PCDH7: variants seen among roughly 807,000 people sequenced by gnomAD.
PCDH7 encodes the protein protocadherin-7.
PCDH7 carries 17 observed loss-of-function variants against 58.9 expected under a neutral mutation model. The ratio of observed to expected loss-of-function variants is 0.29; its 90% CI spans 0.20 to 0.43. PCDH7 has a LOEUF of 0.43. Among genes scored for constraint, PCDH7 ranks in the 20% least tolerant of loss-of-function variants. The pLI, the probability that PCDH7 is intolerant of heterozygous loss-of-function variation, is 1.00. For missense variants in PCDH7, 1,274 were observed against 1,441.0 expected, an observed-to-expected ratio of 0.88 and a Z score of 1.88; for synonymous variants, 664 against 616.4, an observed-to-expected ratio of 1.08 and a Z score of -1.14.
chr4:31,091,592 G>T (rs2109285263), intron 3 of PCDH7, among the ~76,000 whole-genome samples: 1 of 151,704 alleles, frequency 6.6e-6, no homozygotes, highest in East Asian at 1.9e-4. Context: ...TATTTTGAAT[G>T]AACCATACTA....
intron 3 of PCDH7, among the ~76,000 whole-genome samples, chr4:31,089,190 C>T (rs1712885221): frequency 6.6e-6 from 1 of 152,020 alleles, no homozygotes; most frequent in African/African-American, 2.4e-5. Context: ...GGCCAAATTA[C>T]ATACCAGTAG....
intron 3 of PCDH7, among the ~76,000 whole-genome samples, chr4:31,126,019 G>A (rs1228173340): frequency 6.6e-6 from 1 of 152,016 alleles, no homozygotes; most frequent in Non-Finnish European, 1.5e-5. Context: ...GCAGATGCAA[G>A]CTCTTGGGTA....
intron 3 of PCDH7, among the ~76,000 whole-genome samples, chr4:31,022,823 G>C (rs1754134841): frequency 6.6e-6 from 1 of 152,098 alleles, no homozygotes; most frequent in Admixed American, 6.5e-5. Context: ...TTACACATAG[G>C]GGTAGAAATT....
rs202197837 is a variant in PCDH7, at chr4:30,883,628, C to T, written c.71-36525C>T. Among the ~76,000 whole-genome samples the T allele has an allele frequency of 9.8e-5, 15 of 152,292 alleles. No individual in the cohort carries two copies. In the East Asian group the frequency reaches 2.7e-3, roughly 27 times the overall value. On this transcript the variant is annotated intron_variant, in intron 1 of 3. Coordinates refer to the PCDH7 transcript ENST00000509759. ...TCCAATAGTATTTGCTTTTACTTCACGTGATGTACACTGATATTTTCTCCT... is the reference window on the plus strand; with the variant it reads ...TCCAATAGTATTTGCTTTTACTTCATGTGATGTACACTGATATTTTCTCCT...
At chr4:31,059,340 C>T (rs1253370317) in intron 3 of PCDH7, among the ~76,000 whole-genome samples, 1 of 151,746 alleles carries the variant, frequency 6.6e-6, no homozygotes, top group East Asian at 1.9e-4. Flanking sequence ...TCTTTTGTTC[C>T]TAATAACACT....
In PCDH7 at chr4:30,891,962, T is replaced by A. The variant is rs140321874; in HGVS notation, c.71-28191T>A. Among the ~76,000 whole-genome samples the A allele has an allele frequency of 6.1e-3, 930 of 151,892 alleles. 6 individuals are homozygous for A. Among genetic ancestry groups the A allele is most frequent in the Middle Eastern group, 0.01 (3 of 292 alleles). On this transcript the variant is annotated intron_variant, in intron 1 of 3. Transcript: ENST00000509759. Reference sequence around the variant, plus strand: ...GGACATGGATTTTACATAGTATAGATAGGAAAAAGAGAGATACTCTGTCAA... The same window carrying A: ...GGACATGGATTTTACATAGTATAGAAAGGAAAAAGAGAGATACTCTGTCAA...
At chr4:30,738,293 A>C (rs1716577953) in intron 1 of PCDH7, among the ~76,000 whole-genome samples, 1 of 152,040 alleles carries the variant, frequency 6.6e-6, no homozygotes, top group Non-Finnish European at 1.5e-5. Context: ...TTTATTACAC[A>C]CAGCCCGTCC....
At chr4:30,990,208 G>A (rs1385951519) in intron 3 of PCDH7, among the ~76,000 whole-genome samples, 12 of 148,202 alleles carry the variant, frequency 8.1e-5, no homozygotes, top group African/African-American at 2.2e-4. Context: ...GCCTAAAGAG[G>A]AAAAAAAAAC....
At chr4:30,827,046 T>C (rs1250758741) in intron 1 of PCDH7, among the ~76,000 whole-genome samples, 1 of 152,126 alleles carries the variant, frequency 6.6e-6, no homozygotes, top group Non-Finnish European at 1.5e-5. Flanking sequence ...TGAGGATACA[T>C]TTTCACCTTA....
At chr4:30,952,546 A>G (rs763153388) in intron 3 of PCDH7, among the ~76,000 whole-genome samples, 1 of 152,082 alleles carries the variant, frequency 6.6e-6, no homozygotes, top group South Asian at 2.1e-4. Context: ...AATGAAGGAA[A>G]CATGTCATTA....
Position 31,091,691 on chromosome 4 carries a change from A to G in PCDH7, c.*8-50782A>G, listed in dbSNP as rs532459851. On this transcript the variant is annotated intron_variant, in intron 3 of 3. Transcript: ENST00000509759. ...CTAGTTTAATTCCCACTAATCTTCTATCAGTTATTGTGAGGAACATTTACT... is the reference window on the plus strand; with the variant it reads ...CTAGTTTAATTCCCACTAATCTTCTGTCAGTTATTGTGAGGAACATTTACT... 8.5e-5 allele frequency among the ~76,000 whole-genome samples: 13 copies of G among 152,052 alleles called. No individual in the cohort carries two copies. In the East Asian group the frequency reaches 2.5e-3, roughly 29 times the overall value.
intron 1 of PCDH7, among the ~76,000 whole-genome samples, chr4:30,836,521 A>G (rs1161502285): frequency 1.3e-5 from 2 of 152,368 alleles, no homozygotes; most frequent in East Asian, 3.9e-4. Flanking sequence ...AAGTTGCTTT[A>G]TAAAGAATAA....
intron 1 of PCDH7, among the ~76,000 whole-genome samples, chr4:30,865,070 C>G (rs577422126): frequency 6.6e-6 from 1 of 151,938 alleles, no homozygotes; most frequent in East Asian, 1.9e-4. Flanking sequence ...CTGATCATAC[C>G]CTACTAGTTG....
intron 3 of PCDH7, among the ~76,000 whole-genome samples, chr4:30,993,120 A>G (rs1048420162): frequency 3.9e-5 from 6 of 151,994 alleles, no homozygotes; most frequent in African/African-American, 1.2e-4. Flanking sequence ...TTTTTGATAG[A>G]CAACCCTCAG....
intron 3 of PCDH7, among the ~76,000 whole-genome samples, chr4:31,003,383 T>TC (rs1560569183): frequency 6.6e-6 from 1 of 152,040 alleles, no homozygotes; most frequent in Non-Finnish European, 1.5e-5. Flanking sequence ...ATACTGTTTT[T>TC]TTTTTTCTTC....
At chr4:30,817,071 A>G (rs1045347255) in intron 1 of PCDH7, among the ~76,000 whole-genome samples, 1 of 152,214 alleles carries the variant, frequency 6.6e-6, no homozygotes, top group Non-Finnish European at 1.5e-5. Flanking sequence ...TGGCTATGCA[A>G]TCTCTATTTT....
chr4:30,822,629 T>A (rs570971078), intron 1 of PCDH7, among the ~76,000 whole-genome samples: 2 of 152,262 alleles, frequency 1.3e-5, no homozygotes, highest in African/African-American at 4.8e-5. Context: ...TTATATTTTT[T>A]TTTAGTTAGA....
chr4:31,093,206 T>C (rs187734843), intron 3 of PCDH7, among the ~76,000 whole-genome samples: 2 of 152,230 alleles, frequency 1.3e-5, no homozygotes, highest in African/African-American at 2.4e-5. Flanking sequence ...TTATTTTGAA[T>C]TTCCTAAAAT....
At chr4:31,037,291 C>T (rs34409557) in intron 3 of PCDH7, among the ~76,000 whole-genome samples, 5,806 of 152,164 alleles carry the variant, frequency 0.038, 375 homozygotes, top group East Asian at 0.32. Context: ...AACAATGTAA[C>T]CTAAAAATTG....
Sources: gnomAD v4.1 joint callset for allele counts (sites outside exome capture counted in the v4.1 genomes callset) on GRCh38, gnomAD v4.1.1 for gene constraint, MANE v1.5 for transcripts, NCBI Gene and HGNC (gene_info 2026-07-23, HGNC 2026-07-21) for gene names.